The following NEO1 variants were observed in gnomAD, a reference collection of about 807,000 sequenced individuals.
The protein encoded by NEO1 is neogenin 1, also known as neogenin.
A neutral mutation model predicts 159.7 loss-of-function variants in NEO1; 63 were observed. The ratio of observed to expected loss-of-function variants is 0.39; its 90% CI spans 0.32 to 0.49. The LOEUF (loss-of-function observed/expected upper bound fraction) is 0.49, where lower values mean the gene tolerates loss of function less well. NEO1 is among the 20% of genes least tolerant of loss of function. The pLI is 0.85. For synonymous variants in NEO1, 633 were observed against 662.0 expected, an observed-to-expected ratio of 0.96 and a Z score of 0.67; for missense variants, 1,615 against 1,831.0, an observed-to-expected ratio of 0.88 and a Z score of 2.15.
chr15:73,108,264 A>G (rs962538190), intron 1 of NEO1, among the ~76,000 whole-genome samples: 4 of 152,156 alleles, frequency 2.6e-5, no homozygotes, highest in African/African-American at 7.2e-5. Flanking sequence ...CATTAATGGT[A>G]CTGTTTGCAG....
chr15:73,110,131 G>A (rs2070894809), intron 1 of NEO1, among the ~76,000 whole-genome samples: 1 of 152,196 alleles, frequency 6.6e-6, no homozygotes, highest in African/African-American at 2.4e-5. Flanking sequence ...ACCGCATAGT[G>A]ATAGTGGACA....
At chr15:73,080,610 G>T (rs2068994682) in intron 1 of NEO1, among the ~76,000 whole-genome samples, 1 of 152,054 alleles carries the variant, frequency 6.6e-6, no homozygotes, top group Non-Finnish European at 1.5e-5. Context: ...CATGGTAGAG[G>T]TTGGGTGTTG....
chr15:73,263,596 G>C (rs957089989), intron 15 of NEO1, among the ~76,000 whole-genome samples: 1 of 151,954 alleles, frequency 6.6e-6, no homozygotes, highest in African/African-American at 2.4e-5. Flanking sequence ...TTGGATTATC[G>C]TTATAGATCT....
At chr15:73,117,042 G>A (rs965423578) in intron 2 of NEO1, among the ~76,000 whole-genome samples, 185 bp downstream of exon 2, 1 of 152,158 alleles carries the variant, frequency 6.6e-6, no homozygotes, top group Admixed American at 6.5e-5. Flanking sequence ...GTGCCGTAGA[G>A]AATAAACTGT....
In NEO1 at chr15:73,238,544, T is replaced by C. The variant is rs994171794; in HGVS notation, c.1451+2038T>C. 2.1e-4 allele frequency among the ~76,000 whole-genome samples: 32 copies of C among 151,692 alleles called. 1 individual carries two copies. Among genetic ancestry groups the C allele is most frequent in the African/African-American group, 5.8e-4 (24 of 41,358 alleles). On this transcript the variant is annotated intron_variant, in intron 8 of 28. Transcript: ENST00000261908. Reference sequence around the variant, plus strand: ...AAAGTTATGTCTCTGTCTTAAATTATAGATGGATTAAGAGATAAATATTTT... The same window carrying C: ...AAAGTTATGTCTCTGTCTTAAATTACAGATGGATTAAGAGATAAATATTTT...
chr15:73,278,818 G>A (rs746365727), intron 22 of NEO1, among the ~76,000 whole-genome samples: 1 of 152,170 alleles, frequency 6.6e-6, no homozygotes, highest in Non-Finnish European at 1.5e-5. Flanking sequence ...CTGGGGCCAC[G>A]TGCTAATTGT....
chr15:73,238,826 T>TTTTG (rs2039336420), intron 8 of NEO1, among the ~76,000 whole-genome samples: 2 of 150,572 alleles, frequency 1.3e-5, no homozygotes, highest in African/African-American at 4.9e-5. Flanking sequence ...ATGGGGGTTT[T>TTTTG]TTTGTTTGTT....
At chr15:73,266,487 C>T (rs1250052938) in intron 16 of NEO1, 76 bp downstream of exon 16, 10 of 1,053,006 alleles carry the variant, frequency 9.5e-6, no homozygotes, top group Non-Finnish European at 1.3e-5. Context: ...GAGGCCTATC[C>T]CATAGGTGTT....
At chr15:73,268,106 T>C (rs2040998696) in intron 16 of NEO1, among the ~76,000 whole-genome samples, 1 of 152,224 alleles carries the variant, frequency 6.6e-6, no homozygotes, top group Non-Finnish European at 1.5e-5. Flanking sequence ...CTGTCCTTTT[T>C]TTTAAGCTTC....
intron 7 of NEO1, among the ~76,000 whole-genome samples, chr15:73,235,719 C>T (rs925117669): frequency 3.9e-5 from 6 of 152,170 alleles, no homozygotes; most frequent in Admixed American, 6.5e-5. Flanking sequence ...AACCTTCCCC[C>T]GCAGGATTAC....
chr15:73,128,746 C>A (rs908212034), intron 4 of NEO1, among the ~76,000 whole-genome samples: 4 of 152,092 alleles, frequency 2.6e-5, no homozygotes, highest in African/African-American at 9.7e-5. Flanking sequence ...GATAATTGTT[C>A]TTTTAGTAGA....
At chr15:73,073,771 G>A (rs751180423) in intron 1 of NEO1, among the ~76,000 whole-genome samples, 1 of 152,068 alleles carries the variant, frequency 6.6e-6, no homozygotes, top group African/African-American at 2.4e-5. Flanking sequence ...CAGAGAGGTA[G>A]GATTACTATT....
In NEO1 at chr15:73,191,039, G is replaced by A. The variant is rs114324510; in HGVS notation, c.1291+12612G>A. ...AAATGTGCTTCAGAACGCTTTTTCC[G>A]TATAGGTATTGAAATAGATATGTTG... On this transcript the variant is annotated intron_variant, in intron 7 of 28. Transcript: ENST00000261908. Among the ~76,000 whole-genome samples, 1,311 of 152,102 alleles carry A rather than the reference G, an allele frequency of 8.6e-3. 22 individuals carry two copies. The highest frequency in any genetic ancestry group is 0.03 in the African/African-American group (1,237 of 41,524).
chr15:73,290,131 C>T (rs1048228198), intron 25 of NEO1, among the ~76,000 whole-genome samples: 3 of 150,876 alleles, frequency 2.0e-5, no homozygotes, highest in African/African-American at 7.3e-5. Context: ...AGCCAAGAGC[C>T]AGTCTCTAAA....
chr15:73,226,607 T>C (rs2038606621), intron 7 of NEO1, among the ~76,000 whole-genome samples: 1 of 152,244 alleles, frequency 6.6e-6, no homozygotes, highest in South Asian at 2.1e-4. Flanking sequence ...GTGTTAACAT[T>C]TCCCAAAAGT....
intron 1 of NEO1, among the ~76,000 whole-genome samples, chr15:73,066,861 A>G (rs1028368080): frequency 1.3e-5 from 2 of 152,200 alleles, no homozygotes; most frequent in African/African-American, 4.8e-5. Flanking sequence ...CTCTAGGCCA[A>G]AAGGAGCCCC....
At chr15:73,083,086 C>T (rs2069156077) in intron 1 of NEO1, among the ~76,000 whole-genome samples, 1 of 152,046 alleles carries the variant, frequency 6.6e-6, no homozygotes, top group South Asian at 2.1e-4. Flanking sequence ...TAATTCAGGG[C>T]CTTGTTGGAT....
rs1476422335 is a variant in NEO1, at chr15:73,302,864, G to T, written c.*168G>T. The T allele has an allele frequency of 1.5e-5, 9 of 588,664 alleles. No homozygotes were observed. Among genetic ancestry groups the T allele is most frequent in the Admixed American group, 2.9e-5 (1 of 34,396 alleles). The allele number at this position is 588,664 out of a possible 1,614,324, so 36.5% of individuals were successfully genotyped here. On this transcript the variant is annotated 3_prime_UTR_variant, in exon 29 of 29. Coordinates refer to ENST00000261908, the MANE Select transcript of NEO1 (RefSeq NM_002499.4). ...GGGCTGGCTCCAGGCATGGCCACCT[G>T]CCTTCCCCTGGTCAGCCTGGAAGAA...
Position 73,176,482 on chromosome 15 carries a change from T to TGGAAAACC in NEO1, c.1096_1103dup (p.Thr369GlufsTer7). Reference sequence around the variant, plus strand: ...ATATTGTATTTGAATGTGAAGTGACTGGAAAACCAACTCCAACTGTGAAGT... The same window carrying TGGAAAACC: ...ATATTGTATTTGAATGTGAAGTGACTGGAAAACCGGAAAACCAACTCCAACTGTGAAGT... On this transcript the variant is annotated frameshift_variant, in exon 6 of 29. Transcript: ENST00000261908. LOFTEE classifies it high-confidence loss of function. 6.2e-7 allele frequency: 1 copy of TGGAAAACC among 1,612,118 alleles called. No homozygotes were observed. The highest frequency in any genetic ancestry group is 1.1e-5 in the South Asian group (1 of 90,732).
Sources: allele counts gnomAD v4.1 joint callset (sites outside exome capture counted in the v4.1 genomes callset), GRCh38; gene constraint gnomAD v4.1.1; transcripts MANE v1.5; gene names NCBI Gene and HGNC (gene_info 2026-07-23, HGNC 2026-07-21).